Variants in IL1R2 observed in about 807,000 individuals in gnomAD.
IL1R2 encodes interleukin-1 receptor type 2.
In IL1R2, 46 loss-of-function variants were observed where a neutral mutation model predicts 39.5. That is an observed-to-expected ratio of 1.16 (90% CI 0.92 to 1.49). IL1R2 has a LOEUF of 1.49. Ranked by LOEUF, IL1R2 falls within the 40% of genes most tolerant of loss-of-function variation. The probability of loss-of-function intolerance (pLI) is 0.00; values close to 1 mark genes in which losing one functional copy is unlikely to be tolerated. For synonymous variants in IL1R2, 207 were observed against 189.6 expected, an observed-to-expected ratio of 1.09 and a Z score of -0.75; for missense variants, 537 against 502.0, an observed-to-expected ratio of 1.07 and a Z score of -0.67.
intron 6 of IL1R2, 146 bp from the exon 7 acceptor site, chr2:102,024,387 A>G (rs1677595687): frequency 1.5e-6 from 1 of 648,474 alleles, no homozygotes; most frequent in Non-Finnish European, 2.8e-6. Context: ...GAACAGAATC[A>G]TTTGAGAAAA....
intron 1 of IL1R2, among the ~76,000 whole-genome samples, chr2:101,998,813 C>T (rs539073918): frequency 3.3e-5 from 5 of 152,198 alleles, no homozygotes; most frequent in African/African-American, 1.2e-4. Flanking sequence ...GAAGCAAGCA[C>T]CCCTTGGAAA....
intron 7 of IL1R2, 133 bp downstream of exon 7, chr2:102,024,801 T>C: frequency 8.6e-7 from 1 of 1,163,640 alleles, no homozygotes; most frequent in Non-Finnish European, 1.2e-6. Flanking sequence ...TGTTTAGAAT[T>C]TAAAAAATTG....
intron 1 of IL1R2, among the ~76,000 whole-genome samples, chr2:101,994,180 C>A (rs11123902): frequency 0.59 from 89,598 of 151,962 alleles, 27,101 homozygotes; most frequent in East Asian, 0.77. Flanking sequence ...TCCTCTCTCC[C>A]GGGGTCTTCA....
intron 5 of IL1R2, among the ~76,000 whole-genome samples, 197 bp downstream of exon 5, chr2:102,020,009 C>A (rs1204377306): frequency 6.6e-6 from 1 of 152,140 alleles, no homozygotes; most frequent in Non-Finnish European, 1.5e-5. Context: ...GGGTGTTGTT[C>A]TGAGAACAGG....
intron 3 of IL1R2, among the ~76,000 whole-genome samples, chr2:102,015,640 A>G (rs1559423028): frequency 1.3e-5 from 2 of 152,296 alleles, no homozygotes; most frequent in Non-Finnish European, 2.9e-5. Flanking sequence ...ATCTCATGTG[A>G]TTTATTGAAT....
intron 1 of IL1R2, among the ~76,000 whole-genome samples, chr2:102,000,327 A>G (rs556619592): frequency 6.6e-6 from 1 of 152,308 alleles, no homozygotes; most frequent in Non-Finnish European, 1.5e-5. Flanking sequence ...CACACAGGTA[A>G]TGTAACCTGC....
intron 2 of IL1R2, 59 bp from the exon 3 acceptor site, chr2:102,009,503 T>G: frequency 1.3e-6 from 2 of 1,564,246 alleles, no homozygotes; most frequent in Admixed American, 1.8e-5. Flanking sequence ...TGCAGGGAGG[T>G]TTTATGATCT....
intron 5 of IL1R2, among the ~76,000 whole-genome samples, chr2:102,021,373 T>C (rs1183432937): frequency 6.8e-6 from 1 of 147,624 alleles, no homozygotes; most frequent in Non-Finnish European, 1.5e-5. Context: ...TGGAGTGCAA[T>C]GGCGCGATCT....
In IL1R2 at chr2:102,022,250, G is replaced by A. The variant is rs1559428480; in HGVS notation, c.751+1G>A. On this transcript the variant is annotated splice_donor_variant, in intron 6 of 8. Transcript: ENST00000332549. LOFTEE classifies it high-confidence loss of function. Reference sequence around the variant, plus strand: ...CTCAAGACCATATCAGCTTCTCTGGGTAAGGCCCACAAGGACCATGCATTC... The same window carrying A: ...CTCAAGACCATATCAGCTTCTCTGGATAAGGCCCACAAGGACCATGCATTC... 1.2e-6 allele frequency: 2 copies of A among 1,612,846 alleles called. No homozygotes were observed. Among genetic ancestry groups the A allele is most frequent in the Non-Finnish European group, 1.7e-6 (2 of 1,178,914 alleles).
At chr2:102,017,844 G>T (rs1489347544) in intron 4 of IL1R2, among the ~76,000 whole-genome samples, 1 of 152,046 alleles carries the variant, frequency 6.6e-6, no homozygotes, top group African/African-American at 2.4e-5. Flanking sequence ...TTCCTATTTG[G>T]CCCTTTCCTG....
At chr2:102,004,957 C>T (rs1300122294) in intron 1 of IL1R2, among the ~76,000 whole-genome samples, 2 of 152,182 alleles carry the variant, frequency 1.3e-5, no homozygotes, top group Non-Finnish European at 2.9e-5. Context: ...TTTTAGGATT[C>T]GTTCTACTGG....
chr2:102,019,910 G>A, intron 5 of IL1R2, 98 bp downstream of exon 5: 1 of 1,029,522 alleles, frequency 9.7e-7, no homozygotes. Context: ...CAGGTCTTTG[G>A]AATGAAGGAT....
intron 3 of IL1R2, among the ~76,000 whole-genome samples, chr2:102,010,574 TAA>T (rs35560069): frequency 0.04 from 5,095 of 126,864 alleles, 96 homozygotes; most frequent in South Asian, 0.06. Flanking sequence ...AGACTCTGTC[TAA>T]AAAAAAAAAA....
chr2:101,995,800 T>C (rs1675559089), intron 1 of IL1R2, among the ~76,000 whole-genome samples: 1 of 152,330 alleles, frequency 6.6e-6, no homozygotes, highest in South Asian at 2.1e-4. Context: ...CCCAGGTCAT[T>C]GTCAAAACAG....
intron 5 of IL1R2, among the ~76,000 whole-genome samples, chr2:102,020,341 G>A (rs867273522): frequency 5.9e-5 from 9 of 152,160 alleles, no homozygotes; most frequent in African/African-American, 9.7e-5. Context: ...AAGGAGTTTC[G>A]TTTGAAAATG....
intron 7 of IL1R2, 125 bp downstream of exon 7, chr2:102,024,793 T>C: frequency 8.4e-7 from 1 of 1,189,294 alleles, no homozygotes; most frequent in South Asian, 2.0e-5. Context: ...CTGTTGGATG[T>C]TTAGAATTTA....
At position 102,015,866 on chromosome 2, in the gene IL1R2, A is replaced by T. The variant is rs758364548; in HGVS notation, c.333-5A>T. On this transcript the variant is annotated splice_polypyrimidine_tract_variant and splice_region_variant and intron_variant, in intron 3 of 8. Coordinates refer to ENST00000332549, the MANE Select transcript of IL1R2 (RefSeq NM_004633.4). ...CATTTATCTTTTTTTTCCCTTTTAA[A>T]TCAGAAATGCTTCTTACTGTGACAA... 1 of 1,606,336 alleles carries T rather than the reference A, an allele frequency of 6.2e-7. No homozygotes were observed. The highest frequency in any genetic ancestry group is 8.5e-7 in the Non-Finnish European group (1 of 1,174,106).
intron 3 of IL1R2, among the ~76,000 whole-genome samples, chr2:102,013,562 G>GAAAAA (rs1559421451): frequency 2.8e-5 from 1 of 36,134 alleles, no homozygotes; most frequent in Non-Finnish European, 5.2e-5. Context: ...AGGAAAGAAA[G>GAAAAA]AAAAGAAAAG....
intron 1 of IL1R2, among the ~76,000 whole-genome samples, chr2:102,004,343 G>C (rs1676131382): frequency 6.8e-3 from 1 of 148 alleles, no homozygotes; most frequent in South Asian, 0.25. Flanking sequence ...TCCAACTCAG[G>C]GCTGTGCATC....
Sources: allele counts gnomAD v4.1 joint callset (sites outside exome capture counted in the v4.1 genomes callset), GRCh38; gene constraint gnomAD v4.1.1; transcripts MANE v1.5; gene names NCBI Gene and HGNC (gene_info 2026-07-23, HGNC 2026-07-21).